RAPGEF4: variants seen among roughly 807,000 people sequenced by gnomAD.
RAPGEF4 encodes Rap guanine nucleotide exchange factor 4.
RAPGEF4 carries 66 observed loss-of-function variants against 147.9 expected under a neutral mutation model. The ratio of observed to expected loss-of-function variants is 0.45; its 90% CI spans 0.37 to 0.55. The LOEUF (loss-of-function observed/expected upper bound fraction) is 0.55. Ranked by LOEUF, RAPGEF4 falls within the 20% of genes least tolerant of loss-of-function variation. RAPGEF4 has a pLI of 0.00. For synonymous variants in RAPGEF4, 419 were observed against 442.7 expected (o/e 0.95, Z 0.67); for missense variants, 1,071 against 1,257.3 (o/e 0.85, Z 2.24).
intron 1 of RAPGEF4, among the ~76,000 whole-genome samples, chr2:172,742,374 G>A (rs1053735358): frequency 6.6e-6 from 1 of 151,994 alleles, no homozygotes; most frequent in African/African-American, 2.4e-5. Flanking sequence ...AAACTGGGTT[G>A]TTGTTGTTTT....
chr2:172,856,807 T>C (rs1693464327), intron 4 of RAPGEF4, among the ~76,000 whole-genome samples: 1 of 152,158 alleles, frequency 6.6e-6, no homozygotes, highest in Non-Finnish European at 1.5e-5. Flanking sequence ...CTAGCTGCTA[T>C]CATTTCCCTG....
intron 29 of RAPGEF4, among the ~76,000 whole-genome samples, chr2:173,036,965 A>G (rs1684099019): frequency 6.6e-6 from 1 of 152,182 alleles, no homozygotes; most frequent in Non-Finnish European, 1.5e-5. Flanking sequence ...GAAATGCACA[A>G]ATGTTCCTGA....
intron 4 of RAPGEF4, among the ~76,000 whole-genome samples, chr2:172,895,807 C>T (rs999429031): frequency 1.3e-5 from 2 of 152,066 alleles, no homozygotes; most frequent in African/African-American, 2.4e-5. Flanking sequence ...ACAAACAAAC[C>T]AGAATTTGCC....
At chr2:172,946,956 A>G (rs749048917) in intron 6 of RAPGEF4, among the ~76,000 whole-genome samples, 19 of 152,192 alleles carry the variant, frequency 1.2e-4, no homozygotes, top group Non-Finnish European at 1.9e-4. Flanking sequence ...TAAAAAGTCA[A>G]CTGTAGAGAT....
At chr2:173,024,082 AT>A (rs1696394270) in intron 23 of RAPGEF4, among the ~76,000 whole-genome samples, 2 of 152,306 alleles carry the variant, frequency 1.3e-5, no homozygotes. Context: ...AAACTTTGGA[AT>A]CACTTTTCTT....
chr2:172,822,030 T>G, intron 4 of RAPGEF4: 1 of 1,589,800 alleles, frequency 6.3e-7, no homozygotes, highest in Non-Finnish European at 8.6e-7. Flanking sequence ...GGGGAAATAC[T>G]ACATGTTACT....
chr2:172,874,321 C>A (rs1327589879), intron 4 of RAPGEF4, among the ~76,000 whole-genome samples: 1 of 152,054 alleles, frequency 6.6e-6, no homozygotes, highest in Non-Finnish European at 1.5e-5. Flanking sequence ...CATATGTATA[C>A]ATGTGCCATG....
intron 4 of RAPGEF4, among the ~76,000 whole-genome samples, chr2:172,825,687 T>C (rs1689594427): frequency 6.6e-6 from 1 of 152,212 alleles, no homozygotes; most frequent in Non-Finnish European, 1.5e-5. Flanking sequence ...ATCTGTTTAC[T>C]TTTCATGTTT....
intron 10 of RAPGEF4, among the ~76,000 whole-genome samples, chr2:172,981,367 A>G (rs936183433): frequency 6.6e-6 from 1 of 152,212 alleles, no homozygotes; most frequent in Non-Finnish European, 1.5e-5. Context: ...TAAATCCCCA[A>G]GAGTCCCAGT....
chr2:173,021,101 A>T (rs1249824810), intron 23 of RAPGEF4, among the ~76,000 whole-genome samples: 1 of 152,194 alleles, frequency 6.6e-6, no homozygotes, highest in Non-Finnish European at 1.5e-5. Flanking sequence ...CCACCATCTG[A>T]TCTAAGAGAA....
At chr2:172,737,528 C>T (rs1229190941) in intron 1 of RAPGEF4, among the ~76,000 whole-genome samples, 1 of 151,952 alleles carries the variant, frequency 6.6e-6, no homozygotes, top group Non-Finnish European at 1.5e-5. Flanking sequence ...TCACTGGAAA[C>T]CCGTTAGTCA....
chr2:173,044,861 G>C (rs549405635), intron 29 of RAPGEF4, among the ~76,000 whole-genome samples: 2 of 152,214 alleles, frequency 1.3e-5, no homozygotes, highest in South Asian at 4.1e-4. Flanking sequence ...ACCTCAGGCT[G>C]GCTACTGGGG....
At chr2:172,960,627 T>G in intron 6 of RAPGEF4, 133 bp from the exon 7 acceptor site, 2 of 643,952 alleles carry the variant, frequency 3.1e-6, no homozygotes, top group Non-Finnish European at 5.0e-6. Context: ...TTAGGCAGAA[T>G]TTATCTCTTA....
At chr2:172,860,263 G>T in intron 4 of RAPGEF4, 1 of 985,438 alleles carries the variant, frequency 1.0e-6, no homozygotes, top group East Asian at 1.1e-4. Context: ...GTACCCCTAG[G>T]GCTCCTGCCG....
intron 29 of RAPGEF4, among the ~76,000 whole-genome samples, chr2:173,039,250 G>A (rs1351995753): frequency 6.6e-6 from 1 of 151,456 alleles, no homozygotes. Flanking sequence ...GAGGTCAGGA[G>A]ATCGAGACCA....
intron 17 of RAPGEF4, among the ~76,000 whole-genome samples, chr2:173,002,094 A>G (rs1693991512): frequency 6.6e-6 from 1 of 151,456 alleles, no homozygotes; most frequent in Non-Finnish European, 1.5e-5. Flanking sequence ...CCCTAACCTC[A>G]GAGACAGACT....
chr2:173,013,297 G>T (rs1695194732), intron 17 of RAPGEF4, among the ~76,000 whole-genome samples: 1 of 152,160 alleles, frequency 6.6e-6, no homozygotes, highest in South Asian at 2.1e-4. Flanking sequence ...TGGGGGCTTT[G>T]GGTAATGGGA....
chr2:173,032,846 A>C (rs1162891118), intron 26 of RAPGEF4, among the ~76,000 whole-genome samples: 3 of 152,244 alleles, frequency 2.0e-5, no homozygotes, highest in Non-Finnish European at 4.4e-5. Context: ...CCAATTGGTG[A>C]ATCAACTGTT....
intron 1 of RAPGEF4, chr2:172,744,522 C>T: frequency 2.6e-6 from 1 of 381,578 alleles, no homozygotes; most frequent in South Asian, 2.0e-5. Context: ...GCTCAAACCC[C>T]AGTTTTAATT....
Sources: gnomAD v4.1 joint callset for allele counts (sites outside exome capture counted in the v4.1 genomes callset) on GRCh38, gnomAD v4.1.1 for gene constraint, MANE v1.5 for transcripts, NCBI Gene and HGNC (gene_info 2026-07-23, HGNC 2026-07-21) for gene names.